The following CES5A variants were observed in gnomAD, a reference collection of about 807,000 sequenced individuals.
CES5A encodes the protein carboxylesterase 5.
Under a neutral mutation model 62.9 loss-of-function variants are expected in CES5A, and 67 were observed. The ratio of observed to expected loss-of-function variants is 1.07; its 90% confidence interval spans 0.88 to 1.31. The LOEUF is 1.31. CES5A is among the 50% of genes most tolerant of loss of function. The pLI, the probability that CES5A is intolerant of heterozygous loss-of-function variation, is 0.00. For missense variants in CES5A, 748 were observed against 708.5 expected, an observed-to-expected ratio of 1.06 and a Z score of -0.63; for synonymous variants, 296 against 280.8, an observed-to-expected ratio of 1.05 and a Z score of -0.54.
intron 1 of CES5A, among the ~76,000 whole-genome samples, chr16:55,886,335 A>G (rs1384893692): frequency 6.6e-6 from 1 of 152,242 alleles, no homozygotes. Flanking sequence ...ATAGGATCCT[A>G]AATCAGTGAC....
chr16:55,851,360 T>C lies in CES5A; in HGVS notation c.1273+1521A>G, dbSNP rs568961362. 2.6e-5 allele frequency among the ~76,000 whole-genome samples: 4 copies of C among 152,200 alleles called. No homozygotes were observed. In the East Asian group the frequency reaches 7.7e-4, roughly 29 times the overall value. Reference sequence around the variant, plus strand: ...TTAAACGTTTCTCCAAAAACATATATACAAATGTCCAATAAGCACATGAAA... The same window carrying C: ...TTAAACGTTTCTCCAAAAACATATACACAAATGTCCAATAAGCACATGAAA... On this transcript the variant is annotated intron_variant, in intron 10 of 12. Transcript: ENST00000290567.
chr16:55,924,183 C>A (rs751614707), intron 1 of CES5A, among the ~76,000 whole-genome samples: 18 of 150,854 alleles, frequency 1.2e-4, no homozygotes, highest in African/African-American at 2.4e-4. Context: ...AATACACACA[C>A]AAAAAAAACT....
upstream of CES5A, among the ~76,000 whole-genome samples, chr16:55,876,973 G>T (rs1315297301): frequency 3.9e-5 from 6 of 152,160 alleles, no homozygotes; most frequent in Non-Finnish European, 7.3e-5. Flanking sequence ...GCAGGGTGAG[G>T]TAGGGCACTG....
At chr16:55,905,695 G>T (rs556325515) in intron 1 of CES5A, among the ~76,000 whole-genome samples, 2 of 151,892 alleles carry the variant, frequency 1.3e-5, no homozygotes, top group Non-Finnish European at 2.9e-5. Flanking sequence ...TTCCTCCCAC[G>T]CCCAGAGCAA....
At chr16:55,930,209 C>G (rs764413785), upstream of CES5A, among the ~76,000 whole-genome samples, 6 of 151,776 alleles carry the variant, frequency 4.0e-5, no homozygotes, top group Admixed American at 1.3e-4. Context: ...CAGAACCCCC[C>G]ACAATTCAGC....
At chr16:55,944,118 G>A (rs1013211200) in intron 2 of CES5A, 2 of 701,954 alleles carry the variant, frequency 2.8e-6, no homozygotes, top group African/African-American at 3.5e-5. Context: ...GAGACTTCAA[G>A]GGATCTGACA....
chr16:55,955,277 CT>C, intron 1 of CES5A, among the ~76,000 whole-genome samples: 1 of 152,142 alleles, frequency 6.6e-6, no homozygotes. Context: ...TGTTAGTTTC[CT>C]GTTGAGTCAA....
At chr16:55,876,539 G>A, upstream of CES5A, among the ~76,000 whole-genome samples, 1 of 152,118 alleles carries the variant, frequency 6.6e-6, no homozygotes, top group Non-Finnish European at 1.5e-5. Flanking sequence ...GATGCAAAGT[G>A]CCCTGACTCC....
At chr16:55,865,723 T>A (rs1332409938) in intron 5 of CES5A, among the ~76,000 whole-genome samples, 1 of 152,244 alleles carries the variant, frequency 6.6e-6, no homozygotes, top group Non-Finnish European at 1.5e-5. Context: ...GGATTTTTCC[T>A]CAAATTATTA....
chr16:55,848,624 T>C (rs1291633527), intron 11 of CES5A, among the ~76,000 whole-genome samples: 2 of 152,250 alleles, frequency 1.3e-5, no homozygotes, highest in East Asian at 3.9e-4. Flanking sequence ...TTGTGTTTTC[T>C]TTTCCGTGAA....
At chr16:55,950,201 A>C (rs578171083) in intron 1 of CES5A, among the ~76,000 whole-genome samples, 1 of 152,282 alleles carries the variant, frequency 6.6e-6, no homozygotes, top group East Asian at 1.9e-4. Context: ...GGAGCACCCA[A>C]GGATGATTGA....
At chr16:55,864,224 G>T (rs1597119582) in intron 5 of CES5A, among the ~76,000 whole-genome samples, 1 of 152,244 alleles carries the variant, frequency 6.6e-6, no homozygotes, top group East Asian at 1.9e-4. Flanking sequence ...TGAAAAGTTA[G>T]GTTAATATAA....
chr16:55,883,314 C>T (rs1169427220), intron 1 of CES5A, among the ~76,000 whole-genome samples: 1 of 152,110 alleles, frequency 6.6e-6, no homozygotes, highest in African/African-American at 2.4e-5. Flanking sequence ...CTCGCTCTGT[C>T]ACCAGGCTGG....
intron 2 of CES5A, among the ~76,000 whole-genome samples, chr16:55,872,533 A>G (rs1302603275): frequency 6.6e-6 from 1 of 152,212 alleles, no homozygotes; most frequent in Non-Finnish European, 1.5e-5. Context: ...TGTACCTCAG[A>G]GCACCAGCAC....
chr16:55,885,995 G>C (rs1219294775), intron 1 of CES5A, among the ~76,000 whole-genome samples: 1 of 152,200 alleles, frequency 6.6e-6, no homozygotes, highest in Non-Finnish European at 1.5e-5. Flanking sequence ...TCCCTCTACT[G>C]CACCAATGCT....
At chr16:55,869,892 G>GTTAA in intron 3 of CES5A, 148 bp from the exon 4 acceptor site, 1 of 1,141,134 alleles carries the variant, frequency 8.8e-7, no homozygotes, top group East Asian at 2.7e-5. Context: ...AAGGCCCAGG[G>GTTAA]TTAAGCATGT....
At chr16:55,951,556 C>T (rs1264315790) in intron 1 of CES5A, among the ~76,000 whole-genome samples, 1 of 152,058 alleles carries the variant, frequency 6.6e-6, no homozygotes, top group Non-Finnish European at 1.5e-5. Context: ...TTGTAAGATA[C>T]ACCTAAAGCA....
intron 1 of CES5A, among the ~76,000 whole-genome samples, chr16:55,898,695 G>A (rs1305728672): frequency 1.3e-5 from 2 of 152,212 alleles, no homozygotes; most frequent in East Asian, 3.8e-4. Context: ...TCCCTAGGAG[G>A]CATATGGGGC....
intron 1 of CES5A, among the ~76,000 whole-genome samples, chr16:55,888,429 A>G (rs6499799): frequency 0.22 from 33,116 of 152,170 alleles, 4,738 homozygotes; most frequent in Non-Finnish European, 0.32. Context: ...CTGTTATTCA[A>G]GCGAACAATT....
Sources: gnomAD v4.1 joint callset for allele counts (sites outside exome capture counted in the v4.1 genomes callset) on GRCh38, gnomAD v4.1.1 for gene constraint, MANE v1.5 for transcripts, NCBI Gene and HGNC (gene_info 2026-07-23, HGNC 2026-07-21) for gene names.